UBASH3B: variants seen among roughly 807,000 people sequenced by gnomAD.
UBASH3B encodes ubiquitin associated and SH3 domain containing B.
Under a neutral mutation model 83.4 loss-of-function variants are expected in UBASH3B, and 37 were observed. The ratio of observed to expected loss-of-function variants is 0.44; its 90% CI spans 0.34 to 0.58. The LOEUF is 0.58. Among genes scored for constraint, UBASH3B ranks in the 20% least tolerant of loss-of-function variants. The probability of loss-of-function intolerance (pLI) is 0.01; values close to 1 mark genes in which losing one functional copy is unlikely to be tolerated. For missense variants in UBASH3B, 657 were observed against 827.2 expected, an observed-to-expected ratio of 0.79 and a Z score of 2.52; for synonymous variants, 304 against 318.3, an observed-to-expected ratio of 0.96 and a Z score of 0.48.
At chr11:122,668,634 A>G (rs1863552236) in intron 1 of UBASH3B, among the ~76,000 whole-genome samples, 1 of 152,212 alleles carries the variant, frequency 6.6e-6, no homozygotes, top group Admixed American at 6.5e-5. Flanking sequence ...GAGACAAAAG[A>G]CTTGGCTCAA....
intron 1 of UBASH3B, among the ~76,000 whole-genome samples, chr11:122,710,513 T>TC (rs967062863): frequency 6.6e-6 from 1 of 152,166 alleles, no homozygotes; most frequent in African/African-American, 2.4e-5. Flanking sequence ...AGACATGATC[T>TC]CCCCCACCTG....
chr11:122,799,281 A>G (rs1232732376), intron 10 of UBASH3B, among the ~76,000 whole-genome samples: 4 of 152,162 alleles, frequency 2.6e-5, no homozygotes, highest in African/African-American at 2.4e-5. Flanking sequence ...ACCTGAGGTC[A>G]GGAGTTCGAG....
chr11:122,797,396 G>A (rs1314743120), intron 9 of UBASH3B: 1 of 172,128 alleles, frequency 5.8e-6, no homozygotes, highest in African/African-American at 2.4e-5. Flanking sequence ...TGGACTTGCT[G>A]AATTTGTAAA....
intron 1 of UBASH3B, among the ~76,000 whole-genome samples, chr11:122,769,665 C>G (rs576263369): frequency 1.2e-4 from 18 of 152,326 alleles, no homozygotes; most frequent in Non-Finnish European, 1.9e-4. Flanking sequence ...GTATTTCTAC[C>G]TAAAACTACT....
At chr11:122,764,757 C>T (rs1860504787) in intron 1 of UBASH3B, among the ~76,000 whole-genome samples, 1 of 152,234 alleles carries the variant, frequency 6.6e-6, no homozygotes, top group African/African-American at 2.4e-5. Flanking sequence ...TTTGGTTACT[C>T]TACCAGCATC....
chr11:122,705,361 G>A (rs879669793), intron 1 of UBASH3B, among the ~76,000 whole-genome samples: 8 of 151,346 alleles, frequency 5.3e-5, no homozygotes, highest in East Asian at 3.9e-4. Flanking sequence ...CAGGAGAATC[G>A]CTTGAACCTG....
chr11:122,764,020 T>C (rs1413319670), intron 1 of UBASH3B, among the ~76,000 whole-genome samples: 2 of 152,212 alleles, frequency 1.3e-5, no homozygotes, highest in Non-Finnish European at 2.9e-5. Context: ...AATCTTATTA[T>C]GTAGGAAAGA....
Position 122,783,189 on chromosome 11 carries a change from A to G in UBASH3B, c.738A>G (p.Ile246Met). 1.2e-6 allele frequency: 2 copies of G among 1,613,718 alleles called. No individual in the cohort carries two copies. The highest frequency in any genetic ancestry group is 1.1e-5 in the South Asian group (1 of 91,038). Reference protein sequence around the residue: ...VKLGCDWVATIFSRDIRFANH... With the variant: ...VKLGCDWVATMFSRDIRFANH... ...TAGGGTGTGACTGGGTGGCTACCAT[A>G]TTTTCTCGGGATATCCGATTTGCTA... The change falls in exon 5 of 14, where the codon ATA (isoleucine) becomes ATG (methionine). Residue 246 changes from isoleucine to methionine, a missense_variant. Physicochemically the swap from Ile to Met is conservative, Grantham distance 10. Transcript: ENST00000284273.
At chr11:122,675,760 T>C (rs559092374) in intron 1 of UBASH3B, among the ~76,000 whole-genome samples, 2 of 152,224 alleles carry the variant, frequency 1.3e-5, no homozygotes, top group South Asian at 4.1e-4. Context: ...GCATACACAG[T>C]AGATAATCAC....
intron 1 of UBASH3B, among the ~76,000 whole-genome samples, chr11:122,657,730 G>A (rs1228160364): frequency 6.6e-6 from 1 of 152,160 alleles, no homozygotes; most frequent in African/African-American, 2.4e-5. Flanking sequence ...TGGACTGATG[G>A]TTTCTGCCTT....
chr11:122,784,069 T>C (rs898426766), intron 5 of UBASH3B, among the ~76,000 whole-genome samples: 1 of 152,002 alleles, frequency 6.6e-6, no homozygotes, highest in Non-Finnish European at 1.5e-5. Flanking sequence ...GCCTCCCTAG[T>C]AGCTGGGATT....
At chr11:122,721,489 C>A (rs1274046718) in intron 1 of UBASH3B, among the ~76,000 whole-genome samples, 1 of 152,200 alleles carries the variant, frequency 6.6e-6, no homozygotes, top group African/African-American at 2.4e-5. Flanking sequence ...TAGCTCAAAG[C>A]TTGCTTAAGG....
intron 1 of UBASH3B, among the ~76,000 whole-genome samples, chr11:122,705,454 T>TAAAAAAAAAAAAAA (rs60998227): frequency 1.7e-5 from 1 of 59,544 alleles, no homozygotes; most frequent in Non-Finnish European, 3.5e-5. Flanking sequence ...TCGAAAAACA[T>TAAAAAAAAAAAAAA]AAAAAAAAAA....
Position 122,716,152 on chromosome 11 carries a change from C to A in UBASH3B, c.161+59942C>A, listed in dbSNP as rs892519958. ...AGCAAGCTGGGGCTGGTGAGAACTG[C>A]GAGAGGAAGGGGGATCTCAGCTGCA... On this transcript the variant is annotated intron_variant, in intron 1 of 13. Transcript: ENST00000284273. Among the ~76,000 whole-genome samples the A allele has an allele frequency of 3.3e-5, 5 of 152,058 alleles. No homozygotes were observed. In the South Asian group the frequency reaches 1.0e-3, roughly 32 times the overall value.
At chr11:122,680,355 G>A (rs1863722414) in intron 1 of UBASH3B, among the ~76,000 whole-genome samples, 1 of 152,206 alleles carries the variant, frequency 6.6e-6, no homozygotes. Context: ...CTTATTTTCA[G>A]ATCAGGAAAT....
At position 122,775,466 on chromosome 11, in the gene UBASH3B, T is replaced by G. The variant is rs111245119; in HGVS notation, c.162-753T>G. ...AGATGTCTGTAAAATACTTGGAGAT[T>G]ATGGATCCAGCCTGGTGGTGGTTGG... On this transcript the variant is annotated intron_variant, in intron 1 of 13. Transcript: ENST00000284273. Among the ~76,000 whole-genome samples the G allele has an allele frequency of 1.1e-3, 160 of 152,320 alleles. 1 individual carries two copies. The highest frequency in any genetic ancestry group is 3.6e-3 in the African/African-American group (151 of 41,576).
At chr11:122,725,698 A>C (rs1860726734) in intron 1 of UBASH3B, among the ~76,000 whole-genome samples, 1 of 151,802 alleles carries the variant, frequency 6.6e-6, no homozygotes, top group Non-Finnish European at 1.5e-5. Context: ...TTCTATTTTT[A>C]TTTTTATTTT....
intron 1 of UBASH3B, among the ~76,000 whole-genome samples, chr11:122,687,944 T>C (rs540490879): frequency 6.6e-6 from 1 of 152,326 alleles, no homozygotes; most frequent in African/African-American, 2.4e-5. Context: ...AGATTATACA[T>C]AAATTTTGTT....
rs996668825 is a variant in UBASH3B at position 122,720,339 on chromosome 11, C to T, written c.162-55880C>T. ...CCATCAGTGAATCTGTCAGCTTCGC[C>T]GCTTCCACAGATCCAAATCCCTGGC... On this transcript the variant is annotated intron_variant, in intron 1 of 13. Transcript: ENST00000284273. 1.6e-4 allele frequency among the ~76,000 whole-genome samples: 24 copies of T among 152,308 alleles called. 1 individual carries two copies. The highest frequency in any genetic ancestry group is 2.0e-4 in the Admixed American group (3 of 15,296).
Sources: allele counts gnomAD v4.1 joint callset (sites outside exome capture counted in the v4.1 genomes callset), GRCh38; gene constraint gnomAD v4.1.1; transcripts MANE v1.5; gene names NCBI Gene and HGNC (gene_info 2026-07-23, HGNC 2026-07-21).